SIRT6: variants seen among roughly 807,000 people sequenced by gnomAD.
SIRT6 encodes the protein sirtuin 6, also known as NAD-dependent protein deacylase sirtuin-6.
A neutral mutation model predicts 33.6 loss-of-function variants in SIRT6; 21 were observed. The ratio of observed to expected loss-of-function variants is 0.62; its 90% CI spans 0.44 to 0.90. The LOEUF (loss-of-function observed/expected upper bound fraction) is 0.90, where lower values mean the gene tolerates loss of function less well. Ranked by LOEUF, SIRT6 falls within the 40% of genes least tolerant of loss-of-function variation. SIRT6 has a pLI of 0.00. For missense variants in SIRT6, 504 were observed against 510.6 expected (o/e 0.99, Z 0.12); for synonymous variants, 221 against 223.9 (o/e 0.99, Z 0.12).
rs763344763 is a variant in SIRT6, at chr19:4,175,021, C to T, written c.738+7G>A. The T allele has an allele frequency of 1.3e-6, 2 of 1,598,626 alleles. No individual in the cohort carries two copies. The stretch of plus-strand genomic sequence containing the variant: ...GGCCCTGGGCAGGGGTAGGCTCAGA[C>T]ACCTACGTGCTTGGTGGGCTGCAGG... On this transcript the variant is annotated splice_region_variant and intron_variant, in intron 7 of 7. Coordinates refer to ENST00000337491, the MANE Select transcript of SIRT6 (RefSeq NM_016539.4).
chr19:4,182,294 G>T, intron 1 of SIRT6, 180 bp downstream of exon 1: 1 of 600,838 alleles, frequency 1.7e-6, no homozygotes, highest in Non-Finnish European at 2.9e-6. Flanking sequence ...CCACAGAGTT[G>T]GGCGTGTTGG....
intron 2 of SIRT6, among the ~76,000 whole-genome samples, chr19:4,180,208 G>A (rs1343987095): frequency 2.2e-5 from 3 of 139,340 alleles, no homozygotes; most frequent in Non-Finnish European, 4.5e-5. Flanking sequence ...GGGTTCAAGC[G>A]ATTCTCCCAC....
Position 4,174,944 on chromosome 19 carries a change from G to A in SIRT6, c.741C>T (p.Asp247=). The change falls in exon 8 of 8, where the codon GAC becomes GAT. Residue 247 remains aspartate, a splice_region_variant and synonymous_variant. Transcript: ENST00000337491. The surrounding 1 kb of genome is among the most constrained non-coding windows in gnomAD (Gnocchi z 4.2). ...CATGGATGCGGAGGTCAGCATGGCG[G>A]TCCTGCCGAGGGGCGGGACGGGTCA... The part of the protein sequence containing the change: ...VIVNLQPTKH[D]RHADLRIHGY... The A allele has an allele frequency of 6.2e-7, 1 of 1,608,996 alleles. No individual in the cohort carries two copies. Among genetic ancestry groups the A allele is most frequent in the Non-Finnish European group, 8.5e-7 (1 of 1,179,554 alleles).
At chr19:4,176,726 C>A (rs969455043) in intron 4 of SIRT6, among the ~76,000 whole-genome samples, 15 of 152,180 alleles carry the variant, frequency 9.9e-5, no homozygotes, top group African/African-American at 3.4e-4. Context: ...CATGGCCCTG[C>A]AGACACCTGG....
In SIRT6 at chr19:4,174,652, G is replaced by T. The variant is rs1967168035; in HGVS notation, c.1033C>A (p.Pro345Thr). The change falls in exon 8 of 8, where the codon CCC (proline) becomes ACC (threonine). Residue 345 changes from proline to threonine, a missense_variant. Coordinates refer to ENST00000337491, the MANE Select transcript of SIRT6 (RefSeq NM_016539.4). This position sits in a 1 kb window ranked among gnomAD's most constrained non-coding sequence, Gnocchi z 4.2. ...RPTSPAPHRPPKRVKAKAVPS is the reference protein window; with the variant it reads ...RPTSPAPHRPTKRVKAKAVPS ...ACCGCCTTGGCCTTCACCCTTTTGG[G>T]GGGTCTGTGGGGGGCAGGGCTGGTG... is the stretch of plus-strand genomic sequence containing the variant. 2 of 1,452,216 alleles carry T rather than the reference G, an allele frequency of 1.4e-6. No individual in the cohort carries two copies. The highest frequency in any genetic ancestry group is 1.8e-6 in the Non-Finnish European group (2 of 1,099,818). The allele number at this position is 1,452,216 out of a possible 1,614,324, so 90.0% of individuals were successfully genotyped here. A position where few individuals can be genotyped will look rare whatever the true frequency, so the allele number is the denominator to read the frequency against.
intron 6 of SIRT6, 119 bp from the exon 7 acceptor site, chr19:4,175,270 C>A (rs1967224407): frequency 3.7e-6 from 5 of 1,362,952 alleles, no homozygotes. Flanking sequence ...CAAGGCCAGC[C>A]CCACTCCCGA....
At chr19:4,179,632 A>G (rs773386683) in intron 2 of SIRT6, 24 of 302,394 alleles carry the variant, frequency 7.9e-5, no homozygotes, top group Non-Finnish European at 1.4e-4. Flanking sequence ...TGCTGCTGCA[A>G]TGAGCCCGAC....
chr19:4,180,155 A>G (rs1599368949), intron 2 of SIRT6, among the ~76,000 whole-genome samples: 1 of 120,724 alleles, frequency 8.3e-6, no homozygotes, highest in African/African-American at 3.3e-5. Context: ...CCCAGGCTGG[A>G]GTACAATGGC....
At chr19:4,180,691 T>C in intron 2 of SIRT6, 91 bp downstream of exon 2, 1 of 1,496,138 alleles carries the variant, frequency 6.7e-7, no homozygotes, top group Non-Finnish European at 9.0e-7. Flanking sequence ...AGCAGATGGA[T>C]GTGTTCTCAT....
At chr19:4,179,436 CAGAAAT>C in intron 2 of SIRT6, 150 bp from the exon 3 acceptor site, 1 of 810,474 alleles carries the variant, frequency 1.2e-6, no homozygotes, top group Non-Finnish European at 1.9e-6. Context: ...GAATCAGAAA[CAGAAAT>C]AGAGGGTGAG....
At chr19:4,178,338 T>C (rs1346233762) in intron 3 of SIRT6, among the ~76,000 whole-genome samples, 1 of 152,068 alleles carries the variant, frequency 6.6e-6, no homozygotes, top group Non-Finnish European at 1.5e-5. Context: ...CGTTTGCTTT[T>C]ATAAGCAGAG....
At chr19:4,176,938 C>T in intron 4 of SIRT6, 141 bp downstream of exon 4, 2 of 590,292 alleles carry the variant, frequency 3.4e-6, no homozygotes, top group Non-Finnish European at 5.8e-6. Context: ...TTATATCCCC[C>T]CAAGAGGGAG....
At chr19:4,178,049 C>CA (rs1967408208) in intron 3 of SIRT6, among the ~76,000 whole-genome samples, 1 of 143,544 alleles carries the variant, frequency 7.0e-6, no homozygotes, top group Non-Finnish European at 1.5e-5. Context: ...TTTTTCAAGA[C>CA]AGAGTCTTGC....
At chr19:4,176,019 C>T in intron 4 of SIRT6, 82 bp from the exon 5 acceptor site, 5 of 1,279,254 alleles carry the variant, frequency 3.9e-6, no homozygotes, top group African/African-American at 2.9e-5. Flanking sequence ...GTGACGTTCT[C>T]CCAGGGAGGT....
At chr19:4,179,553 A>T (rs1022017741) in intron 2 of SIRT6, 54 of 516,804 alleles carry the variant, frequency 1.0e-4, no homozygotes, top group African/African-American at 9.6e-4. Flanking sequence ...AGACAGAGAG[A>T]GGGAGAGGCA....
At chr19:4,175,326 CGG>C in intron 6 of SIRT6, 175 bp from the exon 7 acceptor site, 1 of 874,178 alleles carries the variant, frequency 1.1e-6, no homozygotes, top group South Asian at 1.8e-5. Flanking sequence ...GGTCCGTTGG[CGG>C]GGTCATTGAT....
chr19:4,175,408 C>A, intron 6 of SIRT6: 1 of 637,014 alleles, frequency 1.6e-6, no homozygotes, highest in East Asian at 2.8e-5. Flanking sequence ...TAGGGTGGGA[C>A]CCTGGCTCGG....
intron 2 of SIRT6, 73 bp from the exon 3 acceptor site, chr19:4,179,359 G>A: frequency 7.0e-7 from 1 of 1,430,536 alleles, no homozygotes; most frequent in Non-Finnish European, 9.3e-7. Context: ...GAATCAGAGA[G>A]GTATAGAGAG....
At chr19:4,180,646 C>G in intron 2 of SIRT6, 136 bp downstream of exon 2, 1 of 1,197,634 alleles carries the variant, frequency 8.3e-7, no homozygotes, top group South Asian at 1.7e-5. Context: ...AGGGACACAT[C>G]TTAAAGGGAG....
Sources: allele counts gnomAD v4.1 joint callset (sites outside exome capture counted in the v4.1 genomes callset), GRCh38; gene constraint gnomAD v4.1.1; non-coding constraint Gnocchi (gnomAD v3.1); transcripts MANE v1.5; gene names NCBI Gene and HGNC (gene_info 2026-07-23, HGNC 2026-07-21).